The following ANK3 variants were observed in gnomAD, a reference collection of about 807,000 sequenced individuals.
ANK3 encodes the protein ankyrin 3.
ANK3 carries 57 observed loss-of-function variants against 370.9 expected under a neutral mutation model. That is an observed-to-expected ratio of 0.15 (90% CI 0.12 to 0.19). The LOEUF (loss-of-function observed/expected upper bound fraction) is 0.19, where lower values mean the gene tolerates loss of function less well. Ranked by LOEUF, ANK3 falls within the 10% of genes least tolerant of loss-of-function variation. ANK3 has a pLI of 1.00. For synonymous variants in ANK3, 1,929 were observed against 1,946.3 expected, an observed-to-expected ratio of 0.99 and a Z score of 0.23; for missense variants, 4,439 against 5,302.1, an observed-to-expected ratio of 0.84 and a Z score of 5.06.
rs1362834669 is a variant in ANK3 at position 60,063,091 on chromosome 10, T to C, written c.12595+20A>G. On this transcript the variant is annotated intron_variant, in intron 40 of 43. Coordinates refer to ENST00000280772, the MANE Select transcript of ANK3 (RefSeq NM_020987.5). ...ATTTTATCAAATGATTAAATAAATA[T>C]GAACACTAAATTCGATTACCATCAA... 6.2e-7 allele frequency: 1 copy of C among 1,601,964 alleles called. No individual in the cohort carries two copies.
chr10:60,481,222 C>T (rs115915718), intron 2 of ANK3, among the ~76,000 whole-genome samples: 40 of 152,286 alleles, frequency 2.6e-4, no homozygotes, highest in African/African-American at 9.1e-4. Context: ...CTGCTAAATG[C>T]TGATCTTTCT....
At chr10:60,051,488 C>T (rs1005290514) in intron 42 of ANK3, 16 of 985,648 alleles carry the variant, frequency 1.6e-5, no homozygotes, top group East Asian at 1.1e-4. Flanking sequence ...TATAATCAAA[C>T]GCCGGCGAAT....
At chr10:60,485,952 A>T (rs1595126499) in intron 2 of ANK3, among the ~76,000 whole-genome samples, 1 of 152,162 alleles carries the variant, frequency 6.6e-6, no homozygotes, top group Admixed American at 6.6e-5. Context: ...AATGAATGAG[A>T]TGGAAAAATG....
rs372430525 is a variant in ANK3 at position 60,042,687 on chromosome 10, G to A, written c.*4C>T. On this transcript the variant is annotated 3_prime_UTR_variant, in exon 43 of 44. Transcript: ENST00000280772. ...CACACCTCACCTTGACTGACCGTTC[G>A]CTGTTACGAGTGGCTCTTCTTTTCC... 8.7e-6 allele frequency: 14 copies of A among 1,613,794 alleles called. No individual in the cohort carries two copies. Among genetic ancestry groups the A allele is most frequent in the South Asian group, 3.3e-5 (3 of 91,050 alleles).
chr10:60,300,524 C>T (rs2043466089), intron 1 of ANK3: 8 of 1,223,674 alleles, frequency 6.5e-6, no homozygotes, highest in African/African-American at 4.7e-5. Context: ...GGAGGGTGGG[C>T]GGGGCAGACA....
intron 1 of ANK3, among the ~76,000 whole-genome samples, chr10:60,340,641 G>C (rs113292084): frequency 0.18 from 27,900 of 151,946 alleles, 3,080 homozygotes; most frequent in South Asian, 0.3. Context: ...CGAACTCCTG[G>C]GCTCAAGCAA....
At chr10:60,306,741 C>T (rs1352060101) in intron 1 of ANK3, among the ~76,000 whole-genome samples, 1 of 152,022 alleles carries the variant, frequency 6.6e-6, no homozygotes, top group Non-Finnish European at 1.5e-5. Context: ...GAAACAAAAG[C>T]CCAGAGTGAT....
chr10:60,561,246 G>A (rs887653831), intron 2 of ANK3, among the ~76,000 whole-genome samples: 5 of 152,062 alleles, frequency 3.3e-5, no homozygotes, highest in Non-Finnish European at 7.4e-5. Flanking sequence ...TGTATTCCAA[G>A]GTAATATTTC....
At chr10:60,728,996 T>C (rs2079983085) in intron 1 of ANK3, among the ~76,000 whole-genome samples, 1 of 152,246 alleles carries the variant, frequency 6.6e-6, no homozygotes, top group Non-Finnish European at 1.5e-5. Flanking sequence ...ATGTCTTCTC[T>C]ATCTTGGATT....
At chr10:60,335,250 T>C (rs553258587) in intron 1 of ANK3, among the ~76,000 whole-genome samples, 6 of 151,972 alleles carry the variant, frequency 3.9e-5, no homozygotes, top group African/African-American at 1.4e-4. Context: ...CTAATAAGAA[T>C]CTTAAAGACA....
intron 23 of ANK3, among the ~76,000 whole-genome samples, chr10:60,161,310 AGAGAAGAGTATG>A (rs2095494674): frequency 6.6e-6 from 1 of 152,142 alleles, no homozygotes; most frequent in Admixed American, 6.6e-5. Flanking sequence ...CAGTTACTAT[AGAGAAGAGTATG>A]GAGGTTCCTC....
intron 1 of ANK3, among the ~76,000 whole-genome samples, chr10:60,290,880 C>A (rs2041209489): frequency 6.6e-6 from 1 of 152,102 alleles, no homozygotes; most frequent in Admixed American, 6.6e-5. Context: ...TGCTGGCAGG[C>A]TTTTGTTTTT....
intron 23 of ANK3, among the ~76,000 whole-genome samples, chr10:60,158,165 GACAA>G (rs2095401914): frequency 6.6e-6 from 1 of 152,070 alleles, no homozygotes; most frequent in South Asian, 2.1e-4. Context: ...TACTTTCCCA[GACAA>G]ACAAAAGCTG....
chr10:60,606,738 T>C (rs1387777356), intron 2 of ANK3, among the ~76,000 whole-genome samples: 1 of 152,192 alleles, frequency 6.6e-6, no homozygotes, highest in Admixed American at 6.6e-5. Context: ...ACACATTCCC[T>C]ACCCAGCCGA....
At chr10:60,616,645 A>G (rs1194246747) in intron 1 of ANK3, among the ~76,000 whole-genome samples, 2 of 151,782 alleles carry the variant, frequency 1.3e-5, no homozygotes, top group African/African-American at 4.8e-5. Context: ...ACATTGTAAT[A>G]ATCTCCTTGC....
chr10:60,593,271 C>T (rs1300945729), intron 2 of ANK3, among the ~76,000 whole-genome samples: 1 of 152,146 alleles, frequency 6.6e-6, no homozygotes, highest in Admixed American at 6.5e-5. Context: ...ACCATTTTCC[C>T]CCAACCCTTT....
intron 25 of ANK3, among the ~76,000 whole-genome samples, chr10:60,127,922 C>A (rs1772035037): frequency 1.3e-5 from 2 of 152,192 alleles, no homozygotes; most frequent in South Asian, 2.1e-4. Context: ...TGGTCTCGAT[C>A]TCCTTACCTC....
intron 2 of ANK3, among the ~76,000 whole-genome samples, chr10:60,445,801 C>T (rs912431932): frequency 3.0e-4 from 45 of 152,308 alleles, no homozygotes; most frequent in Middle Eastern, 6.8e-3. Flanking sequence ...AGAATTGTAT[C>T]TTGTTTCCCA....
At chr10:60,236,374 A>G (rs1435982185) in intron 7 of ANK3, among the ~76,000 whole-genome samples, 1 of 152,106 alleles carries the variant, frequency 6.6e-6, no homozygotes. Flanking sequence ...TATCTCCATT[A>G]GTTTGCTCAA....
Sources: allele counts gnomAD v4.1 joint callset (sites outside exome capture counted in the v4.1 genomes callset), GRCh38; gene constraint gnomAD v4.1.1; transcripts MANE v1.5; gene names NCBI Gene and HGNC (gene_info 2026-07-23, HGNC 2026-07-21).